The following CACNA2D3 variants were observed in gnomAD, a reference collection of about 807,000 sequenced individuals.
CACNA2D3 encodes the protein voltage-dependent calcium channel subunit alpha-2/delta-3.
Under a neutral mutation model 160.6 loss-of-function variants are expected in CACNA2D3, and 60 were observed. The ratio of observed to expected loss-of-function variants is 0.37; its 90% CI spans 0.30 to 0.46. The LOEUF (loss-of-function observed/expected upper bound fraction) is 0.46, where lower values mean the gene tolerates loss of function less well. CACNA2D3 is among the 20% of genes least tolerant of loss of function. The pLI is 1.00. For synonymous variants in CACNA2D3, 558 were observed against 492.9 expected, an observed-to-expected ratio of 1.13 and a Z score of -1.75; for missense variants, 1,205 against 1,365.0, an observed-to-expected ratio of 0.88 and a Z score of 1.85.
intron 5 of CACNA2D3, among the ~76,000 whole-genome samples, chr3:54,547,970 A>C (rs538993631): frequency 2.6e-5 from 4 of 152,212 alleles, no homozygotes; most frequent in Non-Finnish European, 5.9e-5. Context: ...CTCGGATTAC[A>C]GGCATGAGCC....
rs779694943 is a variant in CACNA2D3, at chr3:54,188,488, C to A, written c.204+64894C>A. On this transcript the variant is annotated intron_variant, in intron 2 of 37. Coordinates refer to ENST00000474759, the MANE Select transcript of CACNA2D3 (RefSeq NM_018398.3). ...TGATGTCCTCAGGACTGCACCCATG[C>A]CATGCTTGACCAGCCTAGGCTACGA... Among the ~76,000 whole-genome samples the A allele has an allele frequency of 1.5e-3, 223 of 152,206 alleles. 8 individuals carry two copies. The highest frequency in any genetic ancestry group is 3.7e-4 in the Non-Finnish European group (25 of 68,038).
chr3:54,215,214 A>G (rs1234766249), intron 2 of CACNA2D3, among the ~76,000 whole-genome samples: 1 of 152,198 alleles, frequency 6.6e-6, no homozygotes, highest in African/African-American at 2.4e-5. Context: ...GGTATAATTT[A>G]CAAAATTGTA....
intron 5 of CACNA2D3, among the ~76,000 whole-genome samples, chr3:54,554,863 TCA>T (rs1702216455): frequency 2.3e-5 from 3 of 128,618 alleles, no homozygotes; most frequent in African/African-American, 9.0e-5. Flanking sequence ...CTTTTCTCTC[TCA>T]CTCTCTTTTT....
At chr3:54,377,655 G>C (rs1001104169) in intron 3 of CACNA2D3, among the ~76,000 whole-genome samples, 1 of 152,212 alleles carries the variant, frequency 6.6e-6, no homozygotes, top group Non-Finnish European at 1.5e-5. Flanking sequence ...GAGAAGTTAA[G>C]ACTTGCCCAG....
chr3:54,694,854 G>C (rs1201113420), intron 11 of CACNA2D3, among the ~76,000 whole-genome samples: 1 of 152,040 alleles, frequency 6.6e-6, no homozygotes, highest in African/African-American at 2.4e-5. Flanking sequence ...GAAAAATAAG[G>C]TTTTCCAGTG....
intron 5 of CACNA2D3, among the ~76,000 whole-genome samples, chr3:54,510,401 A>T (rs1215425308): frequency 6.6e-6 from 1 of 152,180 alleles, no homozygotes; most frequent in Non-Finnish European, 1.5e-5. Context: ...CTCCAAGGCA[A>T]TTCTTCCACA....
intron 13 of CACNA2D3, among the ~76,000 whole-genome samples, chr3:54,793,551 C>T (rs772405683): frequency 6.6e-6 from 1 of 152,052 alleles, no homozygotes; most frequent in Non-Finnish European, 1.5e-5. Flanking sequence ...GACAGAGTAA[C>T]GGGGTCAGGT....
intron 10 of CACNA2D3, chr3:54,632,834 G>A (rs1222958931): frequency 2.6e-5 from 4 of 152,288 alleles, no homozygotes; most frequent in African/African-American, 4.8e-5. Context: ...GGTTATTTCC[G>A]AGTTTGACCT....
chr3:54,259,227 C>T (rs1702358868), intron 2 of CACNA2D3, among the ~76,000 whole-genome samples: 1 of 152,156 alleles, frequency 6.6e-6, no homozygotes, highest in African/African-American at 2.4e-5. Context: ...ATGTTATTTC[C>T]ACCAGGTTGG....
At chr3:54,871,349 T>A (rs1417101291) in intron 17 of CACNA2D3, among the ~76,000 whole-genome samples, 190 bp from the exon 18 acceptor site, 1 of 152,240 alleles carries the variant, frequency 6.6e-6, no homozygotes, top group Middle Eastern at 3.4e-3. Flanking sequence ...AGCCAATGTT[T>A]AGAGGCATCT....
At chr3:54,192,395 A>C (rs1351601876) in intron 2 of CACNA2D3, among the ~76,000 whole-genome samples, 1 of 152,210 alleles carries the variant, frequency 6.6e-6, no homozygotes, top group Non-Finnish European at 1.5e-5. Flanking sequence ...GTGACAACAC[A>C]TAATTGAGAC....
Position 54,212,221 on chromosome 3 carries a change from G to A in CACNA2D3, c.204+88627G>A, listed in dbSNP as rs577857656. Among the ~76,000 whole-genome samples, 41 of 152,280 alleles carry A rather than the reference G, an allele frequency of 2.7e-4. 1 individual carries two copies. In the South Asian group the frequency reaches 2.9e-3, roughly 11 times the overall value. On this transcript the variant is annotated intron_variant, in intron 2 of 37. Transcript: ENST00000474759. ...CTGATGACATATGCCCAAGGTGGTCGGGGTACAGCTTGCTTTTACGCCTTT... is the reference window on the plus strand; with the variant it reads ...CTGATGACATATGCCCAAGGTGGTCAGGGTACAGCTTGCTTTTACGCCTTT...
intron 2 of CACNA2D3, among the ~76,000 whole-genome samples, chr3:54,220,362 G>T (rs1177887071): frequency 2.0e-5 from 3 of 152,072 alleles, no homozygotes; most frequent in African/African-American, 7.2e-5. Flanking sequence ...GTTAAAATAA[G>T]TTTTCAAAAA....
chr3:54,563,852 C>G (rs1026074748), intron 6 of CACNA2D3, among the ~76,000 whole-genome samples: 41 of 152,296 alleles, frequency 2.7e-4, no homozygotes, highest in Middle Eastern at 6.8e-3. Flanking sequence ...GCTGTTTGCC[C>G]CGCGCACAGC....
intron 9 of CACNA2D3, among the ~76,000 whole-genome samples, chr3:54,597,389 C>CT (rs1380133598): frequency 6.6e-6 from 1 of 151,996 alleles, no homozygotes; most frequent in Non-Finnish European, 1.5e-5. Flanking sequence ...TTCTTTCTTT[C>CT]TTTTTTTTCC....
intron 35 of CACNA2D3, among the ~76,000 whole-genome samples, chr3:55,021,946 T>C (rs1449712901): frequency 6.6e-6 from 1 of 152,006 alleles, no homozygotes; most frequent in Non-Finnish European, 1.5e-5. Flanking sequence ...TGTCCACATG[T>C]TTTTGAAAGC....
chr3:54,291,874 G>T (rs1267339079), intron 2 of CACNA2D3, among the ~76,000 whole-genome samples: 6 of 152,138 alleles, frequency 3.9e-5, no homozygotes, highest in African/African-American at 1.4e-4. Context: ...GCTGAACACT[G>T]TGCTAAACAT....
intron 2 of CACNA2D3, among the ~76,000 whole-genome samples, chr3:54,199,118 T>C (rs1212782453): frequency 1.3e-5 from 2 of 152,254 alleles, no homozygotes; most frequent in Non-Finnish European, 2.9e-5. Context: ...TATTTCAGTA[T>C]AATTTTCTTT....
At chr3:54,404,510 A>G (rs1699535015) in intron 4 of CACNA2D3, among the ~76,000 whole-genome samples, 1 of 152,150 alleles carries the variant, frequency 6.6e-6, no homozygotes, top group Non-Finnish European at 1.5e-5. Context: ...TTTATGAAAA[A>G]CCGACAGCTG....
Sources: allele counts gnomAD v4.1 joint callset (sites outside exome capture counted in the v4.1 genomes callset), GRCh38; gene constraint gnomAD v4.1.1; transcripts MANE v1.5; gene names NCBI Gene and HGNC (gene_info 2026-07-23, HGNC 2026-07-21).